The following PPIL4 variants were observed in gnomAD, a reference collection of about 807,000 sequenced individuals.
PPIL4 encodes peptidylprolyl isomerase like 4.
In PPIL4, 50 loss-of-function variants were observed where a neutral mutation model predicts 69.1. The observed-to-expected ratio is 0.72, with a 90% CI of 0.58 to 0.92. The LOEUF is 0.92. PPIL4 is among the 40% of genes least tolerant of loss of function. PPIL4 has a pLI of 0.00. For missense variants in PPIL4, 480 were observed against 587.9 expected, an observed-to-expected ratio of 0.82 and a Z score of 1.90; for synonymous variants, 193 against 191.6, an observed-to-expected ratio of 1.01 and a Z score of -0.06.
At chr6:149,520,703 T>C (rs1054859826) in intron 10 of PPIL4, among the ~76,000 whole-genome samples, 2 of 152,034 alleles carry the variant, frequency 1.3e-5, no homozygotes, top group Non-Finnish European at 2.9e-5. Flanking sequence ...AAAAGGCTCA[T>C]ACAAGCATGA....
chr6:149,534,650 C>A, intron 6 of PPIL4, 28 bp downstream of exon 6: 1 of 1,092,718 alleles, frequency 9.2e-7, no homozygotes, highest in Non-Finnish European at 1.4e-6. Flanking sequence ...TATGAATGTA[C>A]ATTTAATCAT....
At chr6:149,518,799 A>G (rs1776984886) in intron 10 of PPIL4, among the ~76,000 whole-genome samples, 2 of 152,218 alleles carry the variant, frequency 1.3e-5, no homozygotes, top group South Asian at 4.1e-4. Context: ...TCTTGACTGT[A>G]GTGGGAGGTC....
At chr6:149,514,187 T>C (rs1049867018) in intron 11 of PPIL4, among the ~76,000 whole-genome samples, 1 of 152,240 alleles carries the variant, frequency 6.6e-6, no homozygotes, top group Non-Finnish European at 1.5e-5. Context: ...ATGACTCCAT[T>C]ATCTCCAACT....
intron 1 of PPIL4, among the ~76,000 whole-genome samples, chr6:149,545,010 A>G (rs938790197): frequency 2.6e-5 from 4 of 152,126 alleles, no homozygotes. Flanking sequence ...CAAGTATGCC[A>G]TGCCTCAATC....
chr6:149,520,023 T>C (rs1777005728), intron 10 of PPIL4, among the ~76,000 whole-genome samples: 1 of 152,190 alleles, frequency 6.6e-6, no homozygotes, highest in African/African-American at 2.4e-5. Flanking sequence ...GGAAATGTAA[T>C]ATGTACAAAG....
Position 149,534,739 on chromosome 6 carries a change from T to C in PPIL4, c.500A>G (p.Asp167Gly), listed in dbSNP as rs1777248634. ...NHTVILDDPF[D>G]DPPDLLIPDR... is the part of the protein sequence containing the mutation. ...AGGGATTAATAAATCAGGAGGGTCATCAAATGGATCATCTAAAATCACCGT... is the reference window on the plus strand; with the variant it reads ...AGGGATTAATAAATCAGGAGGGTCACCAAATGGATCATCTAAAATCACCGT... The change falls in exon 6 of 13, where the codon GAT (aspartate) becomes GGT (glycine). Residue 167 changes from aspartate to glycine, a missense_variant. Physicochemically the swap from Asp to Gly is moderately conservative, Grantham distance 94. Transcript: ENST00000253329. 2 of 1,594,460 alleles carry C rather than the reference T, an allele frequency of 1.3e-6. No homozygotes were observed. The highest frequency in any genetic ancestry group is 3.4e-5 in the Admixed American group (2 of 58,202).
intron 4 of PPIL4, among the ~76,000 whole-genome samples, chr6:149,540,488 G>C (rs1037585386): frequency 6.6e-6 from 1 of 151,978 alleles, no homozygotes; most frequent in Non-Finnish European, 1.5e-5. Context: ...TGTGGCAGGC[G>C]CATGTAATCC....
chr6:149,534,809 T>C, intron 5 of PPIL4, 35 bp from the exon 6 acceptor site: 2 of 1,194,890 alleles, frequency 1.7e-6, no homozygotes, highest in Non-Finnish European at 2.4e-6. Context: ...TGTTATACAT[T>C]GAAGTTATTT....
intron 7 of PPIL4, among the ~76,000 whole-genome samples, chr6:149,528,323 T>C (rs1233349968): frequency 1.3e-5 from 2 of 152,042 alleles, no homozygotes; most frequent in African/African-American, 2.4e-5. Flanking sequence ...GCACCTATAA[T>C]GGCAGAAAGG....
chr6:149,542,118 CT>C (rs1777373705), intron 1 of PPIL4, among the ~76,000 whole-genome samples: 1 of 151,358 alleles, frequency 6.6e-6, no homozygotes, highest in South Asian at 2.1e-4. Context: ...GGCATCTGGG[CT>C]AATACAGAAA....
chr6:149,544,817 T>G (rs897096801), intron 1 of PPIL4, among the ~76,000 whole-genome samples: 1 of 152,166 alleles, frequency 6.6e-6, no homozygotes, highest in African/African-American at 2.4e-5. Context: ...AATAGCTGCG[T>G]GCGAGGGAAA....
intron 7 of PPIL4, among the ~76,000 whole-genome samples, chr6:149,527,827 T>C (rs1253534159): frequency 1.3e-5 from 2 of 152,204 alleles, no homozygotes. Flanking sequence ...TAAGATCACC[T>C]GTAAAGTGTC....
At chr6:149,530,574 G>A (rs1391212607) in intron 7 of PPIL4, among the ~76,000 whole-genome samples, 1 of 151,480 alleles carries the variant, frequency 6.6e-6, no homozygotes, top group Non-Finnish European at 1.5e-5. Context: ...CAGGAGAATC[G>A]CTTAAACCTG....
At chr6:149,522,744 T>C (rs1396729041) in intron 9 of PPIL4, among the ~76,000 whole-genome samples, 2 of 152,042 alleles carry the variant, frequency 1.3e-5, no homozygotes, top group Admixed American at 6.6e-5. Context: ...TCCCGAGTAG[T>C]TGGGACTACA....
intron 12 of PPIL4, among the ~76,000 whole-genome samples, chr6:149,506,767 GT>G (rs1438517913): frequency 3.3e-5 from 5 of 152,054 alleles, no homozygotes; most frequent in African/African-American, 1.2e-4. Flanking sequence ...GCTAATTTTT[GT>G]ATTTTTTTGT....
intron 6 of PPIL4, among the ~76,000 whole-genome samples, chr6:149,534,393 A>G (rs2115037810): frequency 6.6e-6 from 1 of 152,342 alleles, no homozygotes; most frequent in Admixed American, 6.5e-5. Context: ...ACAAGATAAC[A>G]GTTTAATTTG....
intron 4 of PPIL4, among the ~76,000 whole-genome samples, chr6:149,539,036 G>A (rs556318877): frequency 4.9e-4 from 75 of 152,138 alleles, no homozygotes; most frequent in Admixed American, 7.9e-4. Flanking sequence ...TAGTAGAGAC[G>A]GGGTTTCACC....
At chr6:149,521,833 T>C (rs1038355701) in intron 9 of PPIL4, among the ~76,000 whole-genome samples, 1 of 152,220 alleles carries the variant, frequency 6.6e-6, no homozygotes, top group African/African-American at 2.4e-5. Flanking sequence ...GAGACTGTAA[T>C]ACCAAGCTCT....
chr6:149,512,766 G>A (rs944261297), intron 11 of PPIL4, among the ~76,000 whole-genome samples: 5 of 151,658 alleles, frequency 3.3e-5, no homozygotes, highest in African/African-American at 4.8e-5. Context: ...TTTTTGAGAC[G>A]GAGTCTTGCC....
Sources: allele counts gnomAD v4.1 joint callset (sites outside exome capture counted in the v4.1 genomes callset), GRCh38; gene constraint gnomAD v4.1.1; transcripts MANE v1.5; gene names NCBI Gene and HGNC (gene_info 2026-07-23, HGNC 2026-07-21).